PTPRT: variants seen among roughly 807,000 people sequenced by gnomAD.
The protein encoded by PTPRT is receptor-type tyrosine-protein phosphatase T.
A neutral mutation model predicts 176.8 loss-of-function variants in PTPRT; 56 were observed. The observed-to-expected ratio is 0.32, with a 90% CI of 0.26 to 0.40. PTPRT has a LOEUF of 0.40. Among genes scored for constraint, PTPRT ranks in the 10% least tolerant of loss-of-function variants. The pLI is 1.00. For missense variants in PTPRT, 1,540 were observed against 1,908.2 expected, an observed-to-expected ratio of 0.81 and a Z score of 3.60; for synonymous variants, 783 against 739.0, an observed-to-expected ratio of 1.06 and a Z score of -0.96.
intron 15 of PTPRT, among the ~76,000 whole-genome samples, chr20:42,212,264 C>G (rs530058672): frequency 7.1e-6 from 1 of 141,288 alleles, no homozygotes; most frequent in East Asian, 2.1e-4. Context: ...TGTAACTAAC[C>G]TGCACAATGT....
At chr20:42,273,538 T>C (rs2056976088) in intron 13 of PTPRT, among the ~76,000 whole-genome samples, 1 of 152,166 alleles carries the variant, frequency 6.6e-6, no homozygotes, top group Non-Finnish European at 1.5e-5. Context: ...TTGTCATTGG[T>C]TTATAGATGG....
At chr20:42,863,165 T>A (rs1176038447) in intron 2 of PTPRT, among the ~76,000 whole-genome samples, 1 of 152,220 alleles carries the variant, frequency 6.6e-6, no homozygotes, top group Non-Finnish European at 1.5e-5. Context: ...GCTCTCCTCA[T>A]GATGACACCT....
intron 1 of PTPRT, among the ~76,000 whole-genome samples, chr20:42,945,508 G>C (rs1016355801): frequency 4.6e-5 from 7 of 152,204 alleles, no homozygotes; most frequent in Non-Finnish European, 1.0e-4. Flanking sequence ...ACAAAACATG[G>C]AAGAGACAAA....
At chr20:43,137,122 C>T (rs1438214325) in intron 1 of PTPRT, among the ~76,000 whole-genome samples, 1 of 152,180 alleles carries the variant, frequency 6.6e-6, no homozygotes, top group African/African-American at 2.4e-5. Flanking sequence ...TCCTTCCTAA[C>T]CAACCCTTAG....
At chr20:42,959,934 C>T (rs1281339366) in intron 1 of PTPRT, among the ~76,000 whole-genome samples, 1 of 152,144 alleles carries the variant, frequency 6.6e-6, no homozygotes, top group Non-Finnish European at 1.5e-5. Flanking sequence ...TACCAGGGAC[C>T]TCGCAAGCTC....
At chr20:43,169,901 A>G (rs1306004340) in intron 1 of PTPRT, among the ~76,000 whole-genome samples, 2 of 152,180 alleles carry the variant, frequency 1.3e-5, no homozygotes, top group African/African-American at 4.8e-5. Context: ...TCTGGAGGAA[A>G]AAACAAGAGC....
chr20:42,664,716 G>T (rs568619411), intron 7 of PTPRT, among the ~76,000 whole-genome samples: 67 of 152,188 alleles, frequency 4.4e-4, no homozygotes, highest in Middle Eastern at 6.8e-3. Flanking sequence ...TGATCCTTCT[G>T]CCCTGGCCTC....
At chr20:42,493,400 TGTC>T (rs1047472171) in intron 7 of PTPRT, among the ~76,000 whole-genome samples, 1 of 152,128 alleles carries the variant, frequency 6.6e-6, no homozygotes, top group Non-Finnish European at 1.5e-5. Context: ...TCATTATTAT[TGTC>T]TGGGTTAACA....
intron 7 of PTPRT, among the ~76,000 whole-genome samples, chr20:42,484,609 G>A (rs949908055): frequency 1.3e-4 from 20 of 152,158 alleles, no homozygotes; most frequent in African/African-American, 4.6e-4. Context: ...CATTTGTAGC[G>A]TGTCTGACAG....
At chr20:43,042,786 C>T (rs1986669783) in intron 1 of PTPRT, among the ~76,000 whole-genome samples, 1 of 148,678 alleles carries the variant, frequency 6.7e-6, no homozygotes, top group Admixed American at 6.7e-5. Flanking sequence ...GCCATCTTTC[C>T]AATATTTCCT....
Position 42,238,525 on chromosome 20 carries a change from A to T in PTPRT, c.2313-2267T>A, listed in dbSNP as rs145026276. ...TGTAAGGAGATAATTTCTTTACCTC[A>T]CTGCTGGCAGGTCCAGTGCCTGGAA... is the stretch of plus-strand genomic sequence containing the variant. On this transcript the variant is annotated intron_variant, in intron 14 of 30. Coordinates refer to ENST00000373187, the MANE Select transcript of PTPRT (RefSeq NM_007050.6). Among the ~76,000 whole-genome samples the T allele has an allele frequency of 5.3e-4, 81 of 152,304 alleles. 1 individual carries two copies. The East Asian group carries it at 0.014, about 27-fold the overall frequency.
intron 1 of PTPRT, among the ~76,000 whole-genome samples, chr20:43,028,707 G>T (rs1021798471): frequency 6.6e-6 from 1 of 152,158 alleles, no homozygotes; most frequent in Non-Finnish European, 1.5e-5. Flanking sequence ...CTAAGGCAAG[G>T]TACAGATCCC....
chr20:42,276,592 G>A (rs1450392548), intron 13 of PTPRT, among the ~76,000 whole-genome samples: 1 of 127,040 alleles, frequency 7.9e-6, no homozygotes, highest in Non-Finnish European at 1.6e-5. Context: ...AAGGGCTACC[G>A]ATCTCAGGCT....
chr20:42,974,672 A>G (rs930050209), intron 1 of PTPRT, among the ~76,000 whole-genome samples: 3 of 152,292 alleles, frequency 2.0e-5, no homozygotes. Context: ...AAATTAGTAC[A>G]AGTTCCACTA....
chr20:42,145,963 A>G (rs951816034), intron 17 of PTPRT, among the ~76,000 whole-genome samples: 1 of 152,178 alleles, frequency 6.6e-6, no homozygotes, highest in Non-Finnish European at 1.5e-5. Flanking sequence ...TGTGGGGCTT[A>G]TCTCTCACTT....
At chr20:42,102,777 CCTG>C (rs1258075710) in intron 25 of PTPRT, among the ~76,000 whole-genome samples, 3 of 152,192 alleles carry the variant, frequency 2.0e-5, no homozygotes, top group Non-Finnish European at 4.4e-5. Context: ...GCCTAGATGA[CCTG>C]CTCAGGATAG....
chr20:42,499,668 A>G (rs1385883730), intron 7 of PTPRT, among the ~76,000 whole-genome samples: 3 of 152,156 alleles, frequency 2.0e-5, no homozygotes. Flanking sequence ...TACATCTTTC[A>G]TGACATACTT....
At chr20:42,233,234 C>T (rs2056172384) in intron 15 of PTPRT, among the ~76,000 whole-genome samples, 1 of 152,176 alleles carries the variant, frequency 6.6e-6, no homozygotes, top group Admixed American at 6.5e-5. Context: ...CTAGACTCCA[C>T]TTCTGCATTT....
At chr20:42,774,705 G>A (rs1047035096) in intron 4 of PTPRT, among the ~76,000 whole-genome samples, 2 of 152,146 alleles carry the variant, frequency 1.3e-5, no homozygotes, top group East Asian at 1.9e-4. Flanking sequence ...CACTCCATGC[G>A]GTACGCGGTG....
Sources: allele counts gnomAD v4.1 joint callset (sites outside exome capture counted in the v4.1 genomes callset), GRCh38; gene constraint gnomAD v4.1.1; transcripts MANE v1.5; gene names NCBI Gene and HGNC (gene_info 2026-07-23, HGNC 2026-07-21).